EFNB3: variants seen among roughly 807,000 people sequenced by gnomAD.
EFNB3 encodes ephrin-B3.
A neutral mutation model predicts 29.8 loss-of-function variants in EFNB3; 14 were observed. The observed-to-expected ratio is 0.47, with a 90% confidence interval of 0.31 to 0.73. The LOEUF (loss-of-function observed/expected upper bound fraction) is 0.73. Ranked by LOEUF, EFNB3 falls within the 30% of genes least tolerant of loss-of-function variation. EFNB3 has a pLI of 0.05. For missense variants in EFNB3, 408 were observed against 458.0 expected (o/e 0.89, Z 1.00); for synonymous variants, 216 against 191.6 (o/e 1.13, Z -1.05).
Position 7,705,627 on chromosome 17 carries a change from G to A in EFNB3, c.29G>A (p.Gly10Asp), listed in dbSNP as rs756615634. The change falls in exon 1 of 5, where the codon GGC becomes GAC. Residue 10 changes from glycine (G) to aspartate (D), a missense_variant. Physicochemically the swap from Gly to Asp is moderately conservative, Grantham distance 94. This residue lies in a region of EFNB3 where 128 missense variants were observed against 140.8 expected (regional missense o/e 0.91). Coordinates refer to ENST00000226091, the MANE Select transcript of EFNB3 (RefSeq NM_001406.4). This position sits in a 1 kb window ranked among gnomAD's most constrained non-coding sequence, Gnocchi z 5.4. ...GGGCCCCCCCATTCTGGGCCGGGGG[G>A]CGTGCGAGTCGGGGCCCTGCTGCTG... MGPPHSGPG[G>D]VRVGALLLLG... The A allele has an allele frequency of 6.6e-7, 1 of 1,509,706 alleles. No individual in the cohort carries two copies. The allele number at this position is 1,509,706 out of a possible 1,614,324, so 93.5% of individuals were successfully genotyped here. A position where few individuals can be genotyped will look rare whatever the true frequency, so the allele number is the denominator to read the frequency against.
rs555893583 is a variant in EFNB3, at chr17:7,709,105, A to G, written c.614-62A>G. 1.9e-4 allele frequency: 289 copies of G among 1,531,292 alleles called. 2 individuals are homozygous for G. The East Asian group carries it at 5.3e-3, about 28-fold the overall frequency. The allele number at this position is 1,531,292 out of a possible 1,614,324, so 94.9% of individuals were successfully genotyped here. A position where few individuals can be genotyped will look rare whatever the true frequency, so the allele number is the denominator to read the frequency against. ...TGGGGACCCCCAGGGTTGGGTGTCCAGGTGCCCAGGTGGCTCCTTCAGTCC... is the reference window on the plus strand; with the variant it reads ...TGGGGACCCCCAGGGTTGGGTGTCCGGGTGCCCAGGTGGCTCCTTCAGTCC... On this transcript the variant is annotated intron_variant, in intron 4 of 4. Coordinates refer to ENST00000226091, the MANE Select transcript of EFNB3 (RefSeq NM_001406.4). The surrounding 1 kb of genome is among the most constrained non-coding windows in gnomAD (Gnocchi z 4.5).
In EFNB3 at chr17:7,710,482, C is replaced by T. The variant is rs1227987860; in HGVS notation, c.*906C>T. ...GGCCTGGGAAGTAGCAGAAGCAGTG[C>T]AGCAGGAACTGGAAGTGCCTTCATC... On this transcript the variant is annotated 3_prime_UTR_variant, in exon 5 of 5. Transcript: ENST00000226091. 6.5e-6 allele frequency: 1 copy of T among 152,728 alleles called. No homozygotes were observed. Among genetic ancestry groups the T allele is most frequent in the Admixed American group, 6.5e-5 (1 of 15,286 alleles). 9.5% of individuals were successfully genotyped at this position (152,728 alleles called of 1,614,324 possible). A position where few individuals can be genotyped will look rare whatever the true frequency, so the allele number is the denominator to read the frequency against.
In EFNB3 at chr17:7,705,576, G is replaced by GC. The variant is rs778834425; in HGVS notation, c.-17dup. ...GCGACTTTGGGGGAGTTGGTGCCCCGCCCCCCAGGCCTTGGCGGGGTCATG... is the reference window on the plus strand; with the variant it reads ...GCGACTTTGGGGGAGTTGGTGCCCCGCCCCCCCAGGCCTTGGCGGGGTCATG... On this transcript the variant is annotated 5_prime_UTR_variant, in exon 1 of 5. Transcript: ENST00000226091. This position sits in a 1 kb window ranked among gnomAD's most constrained non-coding sequence, Gnocchi z 5.4. 6.6e-6 allele frequency: 9 copies of GC among 1,355,512 alleles called. No homozygotes were observed. Among genetic ancestry groups the GC allele is most frequent in the South Asian group, 3.0e-5 (2 of 67,760 alleles). 84.0% of individuals were successfully genotyped at this position (1,355,512 alleles called of 1,614,324 possible).
At position 7,708,331 on chromosome 17, in the gene EFNB3, G is replaced by C. The variant is rs1295832213; in HGVS notation, c.415+81G>C. ...GGGAGGGGGACCCCTGCAGCCAAGA[G>C]GGAGATCCCAGTGCCCTCAGGCAGT... On this transcript the variant is annotated intron_variant, in intron 2 of 4. Transcript: ENST00000226091. This position sits in a 1 kb window ranked among gnomAD's most constrained non-coding sequence, Gnocchi z 6.8. The C allele has an allele frequency of 2.5e-6, 4 of 1,583,332 alleles. No individual in the cohort carries two copies. The highest frequency in any genetic ancestry group is 3.4e-6 in the Non-Finnish European group (4 of 1,163,362).
At position 7,711,068 on chromosome 17, in the gene EFNB3, A is replaced by C. The variant is rs138634870; in HGVS notation, c.*1492A>C. The C allele has an allele frequency of 6.6e-5, 10 of 152,646 alleles. No individual in the cohort carries two copies. Among genetic ancestry groups the C allele is most frequent in the Non-Finnish European group, 1.3e-4 (9 of 68,062 alleles). The allele number at this position is 152,646 out of a possible 1,614,324, so 9.5% of individuals were successfully genotyped here. On this transcript the variant is annotated 3_prime_UTR_variant, in exon 5 of 5. Transcript: ENST00000226091. ...TACCTCTTCCTGCCCTCTAGTGTGC[A>C]ATTGGGTGTTGCCTCAGTTTCCTCC...
At chr17:7,706,571 G>A (rs1294884784) in intron 1 of EFNB3, among the ~76,000 whole-genome samples, 2 of 152,098 alleles carry the variant, frequency 1.3e-5, no homozygotes, top group African/African-American at 4.8e-5. Flanking sequence ...CCCACTTCCC[G>A]CTCATAAAAG....
At position 7,705,530 on chromosome 17, in the gene EFNB3, G is replaced by T; in HGVS notation, c.-69G>T. ...CCGGGCTGAAGAGCCAGGCAGCCAA[G>T]GCAGCCACCCCGGGGGGTGGGCGAC... On this transcript the variant is annotated 5_prime_UTR_variant, in exon 1 of 5. In the 5' UTR this introduces an upstream ATG that the reference lacks. Coordinates refer to ENST00000226091, the MANE Select transcript of EFNB3 (RefSeq NM_001406.4). This position sits in a 1 kb window ranked among gnomAD's most constrained non-coding sequence, Gnocchi z 5.4. The T allele has an allele frequency of 1.1e-6, 1 of 877,062 alleles. No homozygotes were observed. 54.3% of individuals were successfully genotyped at this position (877,062 alleles called of 1,614,324 possible). A position where few individuals can be genotyped will look rare whatever the true frequency, so the allele number is the denominator to read the frequency against.
chr17:7,710,288 G>A lies in EFNB3; in HGVS notation c.*712G>A. Reference sequence around the variant, plus strand: ...ATACTTACTCCAGCCATTTGGGGTGGTTGGGTCATGACAGCTACCATGAGA... The same window carrying A: ...ATACTTACTCCAGCCATTTGGGGTGATTGGGTCATGACAGCTACCATGAGA... On this transcript the variant is annotated 3_prime_UTR_variant, in exon 5 of 5. Transcript: ENST00000226091. The A allele has an allele frequency of 6.5e-6, 1 of 153,768 alleles. No homozygotes were observed. The highest frequency in any genetic ancestry group is 1.4e-5 in the Non-Finnish European group (1 of 69,270). 9.5% of individuals were successfully genotyped at this position (153,768 alleles called of 1,614,324 possible). A position where few individuals can be genotyped will look rare whatever the true frequency, so the allele number is the denominator to read the frequency against.
rs2074342473 is a variant in EFNB3, at chr17:7,709,664, T to C, written c.*88T>C. 7.5e-6 allele frequency: 11 copies of C among 1,470,196 alleles called. No individual in the cohort carries two copies. The highest frequency in any genetic ancestry group is 7.0e-5 in the South Asian group (6 of 85,154). The allele number at this position is 1,470,196 out of a possible 1,614,324, so 91.1% of individuals were successfully genotyped here. A position where few individuals can be genotyped will look rare whatever the true frequency, so the allele number is the denominator to read the frequency against. On this transcript the variant is annotated 3_prime_UTR_variant, in exon 5 of 5. Transcript: ENST00000226091. The surrounding 1 kb of genome is among the most constrained non-coding windows in gnomAD (Gnocchi z 4.5). Reference sequence around the variant, plus strand: ...CCTGGTTTGAGGGACACCTCTAACATCTCGGCCCCCTGTGCCCCCCCAGCC... The same window carrying C: ...CCTGGTTTGAGGGACACCTCTAACACCTCGGCCCCCTGTGCCCCCCCAGCC...
At position 7,708,853 on chromosome 17, in the gene EFNB3, AGAG is replaced by A. The variant is rs1363847535; in HGVS notation, c.613+118_613+120del. 2 of 775,522 alleles carry A rather than the reference AGAG, an allele frequency of 2.6e-6. No homozygotes were observed. The highest frequency in any genetic ancestry group is 2.0e-6 in the Non-Finnish European group (1 of 493,806). 48.0% of individuals were successfully genotyped at this position (775,522 alleles called of 1,614,324 possible). A position where few individuals can be genotyped will look rare whatever the true frequency, so the allele number is the denominator to read the frequency against. On this transcript the variant is annotated intron_variant, in intron 4 of 4. Coordinates refer to ENST00000226091, the MANE Select transcript of EFNB3 (RefSeq NM_001406.4). The surrounding 1 kb of genome is among the most constrained non-coding windows in gnomAD (Gnocchi z 6.8). Reference sequence around the variant, plus strand: ...AGTTTTGGGGGCGGTGATACAGGAAAGAGGAGAAGAGAGGATGGGAGGGTGGGA... The same window carrying A: ...AGTTTTGGGGGCGGTGATACAGGAAAGAGAAGAGAGGATGGGAGGGTGGGA...
rs958142277 is a variant in EFNB3 at position 7,710,058 on chromosome 17, C to T, written c.*482C>T. 9.7e-6 allele frequency: 2 copies of T among 206,122 alleles called. No homozygotes were observed. Among genetic ancestry groups the T allele is most frequent in the African/African-American group, 4.8e-5 (2 of 41,802 alleles). 12.8% of individuals were successfully genotyped at this position (206,122 alleles called of 1,614,324 possible). On this transcript the variant is annotated 3_prime_UTR_variant, in exon 5 of 5. Transcript: ENST00000226091. The stretch of plus-strand genomic sequence containing the variant: ...ACATCTCCTTTCACCCTCTTGGCTT[C>T]TTATCCTGTGCCTCTCCCATCTCCT...
In EFNB3 at chr17:7,708,726, G is replaced by A. The variant is rs1243790677; in HGVS notation, c.600G>A (p.Lys200=). ...RGAAHSLEPG[K]ENLPGDPTSN... is the part of the protein sequence containing the mutation. ...CAGCCCACAGCCTGGAGCCTGGGAAGGAGAACCTGCCAGGTAGGAACCAGG... is the reference window on the plus strand; with the variant it reads ...CAGCCCACAGCCTGGAGCCTGGGAAAGAGAACCTGCCAGGTAGGAACCAGG... The change falls in exon 4 of 5, where the codon AAG becomes AAA. Residue 200 remains lysine, a synonymous_variant. Coordinates refer to ENST00000226091, the MANE Select transcript of EFNB3 (RefSeq NM_001406.4). The surrounding 1 kb of genome is among the most constrained non-coding windows in gnomAD (Gnocchi z 6.8). 6.4e-7 allele frequency: 1 copy of A among 1,564,324 alleles called. No individual in the cohort carries two copies. The highest frequency in any genetic ancestry group is 1.2e-5 in the South Asian group (1 of 84,992).
Position 7,709,176 on chromosome 17 carries a change from C to G in EFNB3, c.623C>G (p.Thr208Ser). The G allele has an allele frequency of 6.2e-7, 1 of 1,601,906 alleles. No homozygotes were observed. The change falls in exon 5 of 5, where the codon ACC becomes AGC. Residue 208 changes from threonine (T) to serine (S), a missense_variant. By Grantham distance (58) the Thr-to-Ser change is moderately conservative. Coordinates refer to ENST00000226091, the MANE Select transcript of EFNB3 (RefSeq NM_001406.4). The surrounding 1 kb of genome is among the most constrained non-coding windows in gnomAD (Gnocchi z 4.5). ...ACCCCTTCCCTGCCAGGTGACCCCA[C>G]CAGCAATGCAACCTCCCGGGGTGCT... ...PGKENLPGDP[T>S]SNATSRGAEG...
rs1164808001 is a variant in EFNB3 at position 7,705,522 on chromosome 17, G to A, written c.-77G>A. On this transcript the variant is annotated 5_prime_UTR_variant, in exon 1 of 5. Coordinates refer to ENST00000226091, the MANE Select transcript of EFNB3 (RefSeq NM_001406.4). The surrounding 1 kb of genome is among the most constrained non-coding windows in gnomAD (Gnocchi z 5.4). ...GGGGTGGTCCGGGCTGAAGAGCCAG[G>A]CAGCCAAGGCAGCCACCCCGGGGGG... The A allele has an allele frequency of 1.4e-6, 1 of 727,802 alleles. No homozygotes were observed. The highest frequency in any genetic ancestry group is 2.1e-6 in the Non-Finnish European group (1 of 484,174). 45.1% of individuals were successfully genotyped at this position (727,802 alleles called of 1,614,324 possible).
At position 7,708,567 on chromosome 17, in the gene EFNB3, CGTTGGGGCAGTACGATCATG is replaced by C; in HGVS notation, c.508+52_509-37del. 6.2e-7 allele frequency: 1 copy of C among 1,604,168 alleles called. No individual in the cohort carries two copies. The highest frequency in any genetic ancestry group is 8.5e-7 in the Non-Finnish European group (1 of 1,175,068). On this transcript the variant is annotated intron_variant, in intron 3 of 4. Coordinates refer to ENST00000226091, the MANE Select transcript of EFNB3 (RefSeq NM_001406.4). The surrounding 1 kb of genome is among the most constrained non-coding windows in gnomAD (Gnocchi z 6.8). ...GGGACACCTCCTGGGCACGAAGGGACGTTGGGGCAGTACGATCATGGTTGGGGCAGTTGTCTCAGCCCCTC... is the reference window on the plus strand; with the variant it reads ...GGGACACCTCCTGGGCACGAAGGGACGTTGGGGCAGTTGTCTCAGCCCCTC...
Position 7,708,814 on chromosome 17 carries a change from C to A in EFNB3, c.613+75C>A. 2.3e-6 allele frequency: 3 copies of A among 1,320,830 alleles called. No individual in the cohort carries two copies. The highest frequency in any genetic ancestry group is 3.0e-5 in the South Asian group (2 of 67,374). 81.8% of individuals were successfully genotyped at this position (1,320,830 alleles called of 1,614,324 possible). A position where few individuals can be genotyped will look rare whatever the true frequency, so the allele number is the denominator to read the frequency against. ...AGACCCCAGCTGCCCTGCCGTCACC[C>A]TCCCTCCCTCTTCAGTTTTGGGGGC... On this transcript the variant is annotated intron_variant, in intron 4 of 4. Coordinates refer to ENST00000226091, the MANE Select transcript of EFNB3 (RefSeq NM_001406.4). This position sits in a 1 kb window ranked among gnomAD's most constrained non-coding sequence, Gnocchi z 6.8.
In EFNB3 at chr17:7,709,696, C is replaced by A; in HGVS notation, c.*120C>A. 1 of 980,564 alleles carries A rather than the reference C, an allele frequency of 1.0e-6. No individual in the cohort carries two copies. Among genetic ancestry groups the A allele is most frequent in the Non-Finnish European group, 1.6e-6 (1 of 641,886 alleles). 60.7% of individuals were successfully genotyped at this position (980,564 alleles called of 1,614,324 possible). A position where few individuals can be genotyped will look rare whatever the true frequency, so the allele number is the denominator to read the frequency against. On this transcript the variant is annotated 3_prime_UTR_variant, in exon 5 of 5. Transcript: ENST00000226091. The surrounding 1 kb of genome is among the most constrained non-coding windows in gnomAD (Gnocchi z 4.5). ...CCCCTGTGCCCCCCCAGCCCCTTCA[C>A]TCCTCCCGGCTGCTGTCCTCGTCTC...
chr17:7,708,721 G>C lies in EFNB3; in HGVS notation c.595G>C (p.Gly199Arg). 6.4e-7 allele frequency: 1 copy of C among 1,567,218 alleles called. No homozygotes were observed. The highest frequency in any genetic ancestry group is 8.7e-7 in the Non-Finnish European group (1 of 1,155,316). Reference protein sequence around the residue: ...DRGAAHSLEPGKENLPGDPTS... With the variant: ...DRGAAHSLEPRKENLPGDPTS... ...AGGGGCAGCCCACAGCCTGGAGCCT[G>C]GGAAGGAGAACCTGCCAGGTAGGAA... The change falls in exon 4 of 5, where the codon GGG (glycine) becomes CGG (arginine). Residue 199 changes from glycine to arginine, a missense_variant. Gly to Arg is a moderately radical substitution (Grantham distance 125, BLOSUM62 -2). Coordinates refer to ENST00000226091, the MANE Select transcript of EFNB3 (RefSeq NM_001406.4). This position sits in a 1 kb window ranked among gnomAD's most constrained non-coding sequence, Gnocchi z 6.8.
rs2074347355 is a variant in EFNB3, at chr17:7,710,860, C to T, written c.*1284C>T. The T allele has an allele frequency of 6.5e-6, 1 of 152,682 alleles. No homozygotes were observed. The highest frequency in any genetic ancestry group is 1.5e-5 in the Non-Finnish European group (1 of 68,096). 9.5% of individuals were successfully genotyped at this position (152,682 alleles called of 1,614,324 possible). On this transcript the variant is annotated 3_prime_UTR_variant, in exon 5 of 5. Transcript: ENST00000226091. ...AATCTCTGTTAATCAACAGGACTACCCCAAGAACCCATGTGCTCTCCCGAG... is the reference window on the plus strand; with the variant it reads ...AATCTCTGTTAATCAACAGGACTACTCCAAGAACCCATGTGCTCTCCCGAG...
Sources: gnomAD v4.1 joint callset for allele counts (sites outside exome capture counted in the v4.1 genomes callset) on GRCh38, gnomAD v4.1.1 for gene constraint, gnomAD v4.1.1 regional missense constraint, Gnocchi (gnomAD v3.1) non-coding constraint, MANE v1.5 for transcripts, NCBI Gene and HGNC (gene_info 2026-07-23, HGNC 2026-07-21) for gene names.